ARHGAP24: variants seen among roughly 807,000 people sequenced by gnomAD.
ARHGAP24 encodes Rho GTPase activating protein 24.
A neutral mutation model predicts 76.4 loss-of-function variants in ARHGAP24; 50 were observed. That is an observed-to-expected ratio of 0.65 (90% CI 0.52 to 0.83). ARHGAP24 has a LOEUF of 0.83. ARHGAP24 is among the 40% of genes least tolerant of loss of function. The pLI, the probability that ARHGAP24 is intolerant of heterozygous loss-of-function variation, is 0.00. For synonymous variants in ARHGAP24, 345 were observed against 323.3 expected (o/e 1.07, Z -0.72); for missense variants, 930 against 914.2 (o/e 1.02, Z -0.22).
At chr4:85,940,693 T>C (rs954579721) in intron 4 of ARHGAP24, among the ~76,000 whole-genome samples, 3 of 152,190 alleles carry the variant, frequency 2.0e-5, no homozygotes, top group Non-Finnish European at 4.4e-5. Flanking sequence ...GCTCTAATCT[T>C]TATTGCCCTT....
intron 3 of ARHGAP24, among the ~76,000 whole-genome samples, chr4:85,851,039 G>A (rs564476063): frequency 3.9e-4 from 60 of 152,212 alleles, no homozygotes; most frequent in African/African-American, 1.4e-3. Context: ...GTTTAATATT[G>A]ACAGTGGGGT....
At chr4:85,702,129 A>G (rs1186331476) in intron 2 of ARHGAP24, among the ~76,000 whole-genome samples, 1 of 152,176 alleles carries the variant, frequency 6.6e-6, no homozygotes, top group Non-Finnish European at 1.5e-5. Flanking sequence ...AGATATATGT[A>G]TATAATATAT....
At chr4:85,602,772 C>T (rs983640994) in intron 2 of ARHGAP24, among the ~76,000 whole-genome samples, 2 of 152,110 alleles carry the variant, frequency 1.3e-5, no homozygotes, top group South Asian at 4.1e-4. Flanking sequence ...CCTATCTCTT[C>T]CTACCATGGC....
rs922492878 is a variant in ARHGAP24 at position 85,736,041 on chromosome 4, T to C, written c.268+14069T>C. On this transcript the variant is annotated intron_variant, in intron 3 of 9. Coordinates refer to ENST00000395184, the MANE Select transcript of ARHGAP24 (RefSeq NM_001025616.3). ...AATGTGCAATGCATCACACTAACCATAGGCCCTTTATATATGCTGTTCCCT... is the reference window on the plus strand; with the variant it reads ...AATGTGCAATGCATCACACTAACCACAGGCCCTTTATATATGCTGTTCCCT... Among the ~76,000 whole-genome samples the C allele has an allele frequency of 3.9e-4, 59 of 152,284 alleles. 1 individual carries two copies. Among genetic ancestry groups the C allele is most frequent in the Admixed American group, 3.5e-3 (53 of 15,294 alleles).
At position 85,890,747 on chromosome 4, in the gene ARHGAP24, G is replaced by C. The variant is rs191649977; in HGVS notation, c.269-32901G>C. On this transcript the variant is annotated intron_variant, in intron 3 of 9. Transcript: ENST00000395184. ...TGTGTTAGAAGCTAGACTGTTAAGG[G>C]CTTTGCACACCACTGCAACTGGGGA... 2.6e-5 allele frequency among the ~76,000 whole-genome samples: 4 copies of C among 152,280 alleles called. No homozygotes were observed. In the East Asian group the frequency reaches 7.7e-4, roughly 29 times the overall value.
chr4:85,949,583 T>C (rs1399676832), intron 5 of ARHGAP24, among the ~76,000 whole-genome samples: 1 of 152,180 alleles, frequency 6.6e-6, no homozygotes, highest in Non-Finnish European at 1.5e-5. Context: ...TAGCTGATGG[T>C]TGAAACTCTT....
At chr4:85,563,193 T>A (rs772265318) in intron 1 of ARHGAP24, among the ~76,000 whole-genome samples, 8 of 152,106 alleles carry the variant, frequency 5.3e-5, no homozygotes, top group Non-Finnish European at 1.2e-4. Context: ...TTGGCTAAGG[T>A]TTGTGGTGAC....
chr4:85,554,333 A>G (rs3960322), intron 1 of ARHGAP24, among the ~76,000 whole-genome samples: 125,406 of 152,130 alleles, frequency 0.82, 54,091 homozygotes, highest in East Asian at 0.98. Flanking sequence ...GCATTTCCTG[A>G]TTTTGAACAT....
At chr4:85,931,444 T>G (rs555097365) in intron 4 of ARHGAP24, among the ~76,000 whole-genome samples, 2 of 152,292 alleles carry the variant, frequency 1.3e-5, no homozygotes, top group Admixed American at 6.5e-5. Context: ...CCCGTCACCT[T>G]GTTTTGATTC....
intron 1 of ARHGAP24, among the ~76,000 whole-genome samples, chr4:85,496,751 T>C (rs934457102): frequency 1.8e-4 from 28 of 152,244 alleles, no homozygotes; most frequent in African/African-American, 6.8e-4. Flanking sequence ...TCACACGAGT[T>C]TTGTAGATGT....
chr4:85,998,095 T>A (rs1384105153), intron 9 of ARHGAP24, among the ~76,000 whole-genome samples: 1 of 152,236 alleles, frequency 6.6e-6, no homozygotes, highest in East Asian at 1.9e-4. Context: ...ATCAAGTCTG[T>A]TAATCAGGCT....
At chr4:85,671,011 C>T (rs6827386) in intron 2 of ARHGAP24, among the ~76,000 whole-genome samples, 4,463 of 152,232 alleles carry the variant, frequency 0.029, 202 homozygotes, top group African/African-American at 0.1. Flanking sequence ...AATGGTCACA[C>T]TCAATTGAGC....
intron 3 of ARHGAP24, among the ~76,000 whole-genome samples, chr4:85,816,408 G>C (rs1729241008): frequency 6.6e-6 from 1 of 152,006 alleles, no homozygotes; most frequent in African/African-American, 2.4e-5. Flanking sequence ...TCCTTTCTGT[G>C]CCTGGCTTAT....
chr4:85,570,941 A>G, intron 2 of ARHGAP24: 1 of 496,492 alleles, frequency 2.0e-6, no homozygotes, highest in Non-Finnish European at 3.5e-6. Context: ...TATTAATTTT[A>G]ATATTTACTA....
At chr4:85,517,240 A>G (rs1724545130) in intron 1 of ARHGAP24, among the ~76,000 whole-genome samples, 1 of 152,190 alleles carries the variant, frequency 6.6e-6, no homozygotes, top group African/African-American at 2.4e-5. Context: ...TGAGTTAATA[A>G]AACATTTTTT....
intron 2 of ARHGAP24, among the ~76,000 whole-genome samples, chr4:85,678,519 C>T (rs1264347086): frequency 6.6e-6 from 1 of 152,112 alleles, no homozygotes; most frequent in East Asian, 1.9e-4. Context: ...ATGAAAGACA[C>T]AAGCAAAACA....
intron 2 of ARHGAP24, among the ~76,000 whole-genome samples, chr4:85,683,644 C>A (rs1446996005): frequency 6.9e-6 from 1 of 145,186 alleles, no homozygotes; most frequent in Non-Finnish European, 1.5e-5. Flanking sequence ...AACATGAGAT[C>A]TACCCTCTTA....
intron 3 of ARHGAP24, among the ~76,000 whole-genome samples, chr4:85,914,084 C>T (rs1398161648): frequency 6.6e-6 from 1 of 152,186 alleles, no homozygotes; most frequent in African/African-American, 2.4e-5. Flanking sequence ...GTCATCTCAA[C>T]ATGAATGACA....
At chr4:85,952,194 A>T (rs1249959023) in intron 5 of ARHGAP24, among the ~76,000 whole-genome samples, 1 of 152,240 alleles carries the variant, frequency 6.6e-6, no homozygotes, top group Non-Finnish European at 1.5e-5. Context: ...TATCGGAACC[A>T]TACAGCTTTT....
Sources: allele counts gnomAD v4.1 joint callset (sites outside exome capture counted in the v4.1 genomes callset), GRCh38; gene constraint gnomAD v4.1.1; transcripts MANE v1.5; gene names NCBI Gene and HGNC (gene_info 2026-07-23, HGNC 2026-07-21).